The following TENM3 variants were observed in gnomAD, a reference collection of about 807,000 sequenced individuals.
TENM3 encodes teneurin transmembrane protein 3.
Under a neutral mutation model 255.1 loss-of-function variants are expected in TENM3, and 63 were observed. The ratio of observed to expected loss-of-function variants is 0.25; its 90% CI spans 0.20 to 0.30. The LOEUF (loss-of-function observed/expected upper bound fraction) is 0.30. TENM3 is among the 10% of genes least tolerant of loss of function. TENM3 has a pLI of 1.00. For synonymous variants in TENM3, 1,306 were observed against 1,322.3 expected (o/e 0.99, Z 0.27); for missense variants, 2,929 against 3,461.1 (o/e 0.85, Z 3.86).
chr4:182,268,728 G>T (rs113290755), intron 1 of TENM3, among the ~76,000 whole-genome samples: 148 of 152,230 alleles, frequency 9.7e-4, no homozygotes, highest in African/African-American at 3.6e-3. Context: ...GCTCCCACCA[G>T]CACCCTGACA....
intron 4 of TENM3, among the ~76,000 whole-genome samples, chr4:182,619,100 CCATAGAGGT>C (rs1749833062): frequency 6.6e-6 from 1 of 151,890 alleles, no homozygotes; most frequent in Admixed American, 6.6e-5. Context: ...GCAACGTGAC[CCATAGAGGT>C]ATACATCATG....
At chr4:181,554,521 G>C in the TENM3 span, among the ~76,000 whole-genome samples, 12 of 152,272 alleles carry the variant, frequency 7.9e-5, no homozygotes, top group Admixed American at 2.0e-4. Context: ...GTTCACCTCT[G>C]AACTTAAGAT....
intron 1 of TENM3, among the ~76,000 whole-genome samples, chr4:182,262,743 A>G (rs1758900659): frequency 1.6e-5 from 2 of 122,942 alleles, no homozygotes; most frequent in Non-Finnish European, 1.6e-5. Flanking sequence ...TTTTTTTGAG[A>G]CGGAATCTCG....
intron 4 of TENM3, among the ~76,000 whole-genome samples, chr4:182,608,626 G>C (rs1748661132): frequency 6.6e-6 from 1 of 152,138 alleles, no homozygotes; most frequent in Non-Finnish European, 1.5e-5. Flanking sequence ...CAGCCGCCCG[G>C]TCTGCAGGGT....
At chr4:182,714,021 C>G (rs970288856) in intron 12 of TENM3, 66 bp from the exon 13 acceptor site, 35 of 1,381,742 alleles carry the variant, frequency 2.5e-5, no homozygotes, top group Admixed American at 1.0e-4. Context: ...TGTCCCTTAT[C>G]TGTTTATTTT....
intron 23 of TENM3, 135 bp from the exon 24 acceptor site, chr4:182,774,781 TTC>T: frequency 1.6e-6 from 1 of 636,348 alleles, no homozygotes. Context: ...GTTGTTTTGT[TTC>T]TTTCTAAAAG....
At chr4:182,396,152 A>T (rs1329681922) in intron 3 of TENM3, among the ~76,000 whole-genome samples, 1 of 152,098 alleles carries the variant, frequency 6.6e-6, no homozygotes, top group Non-Finnish European at 1.5e-5. Flanking sequence ...GCATTGTGTG[A>T]TGCTGTTTTC....
chr4:181,453,328 G>T, the TENM3 span, among the ~76,000 whole-genome samples: 39,069 of 152,044 alleles, frequency 0.26, 5,240 homozygotes, highest in Middle Eastern at 0.34. Flanking sequence ...GGAAGCTTGG[G>T]GAGGGACAGC....
At chr4:182,657,222 A>G (rs570493272) in intron 6 of TENM3, among the ~76,000 whole-genome samples, 1 of 152,250 alleles carries the variant, frequency 6.6e-6, no homozygotes, top group Admixed American at 6.5e-5. Context: ...AATAGTACCT[A>G]TCTCCTGACT....
At chr4:182,120,110 C>T in the TENM3 span, among the ~76,000 whole-genome samples, 3 of 152,098 alleles carry the variant, frequency 2.0e-5, no homozygotes, top group Non-Finnish European at 4.4e-5. Flanking sequence ...CACACACACA[C>T]ACACACACAC....
At chr4:182,071,502 G>C in the TENM3 span, among the ~76,000 whole-genome samples, 1 of 147,338 alleles carries the variant, frequency 6.8e-6, no homozygotes, top group African/African-American at 2.5e-5. Flanking sequence ...CTGGAGTGCA[G>C]TGGCGCGATC....
At chr4:182,426,996 T>C (rs1296753586) in intron 3 of TENM3, among the ~76,000 whole-genome samples, 2 of 152,256 alleles carry the variant, frequency 1.3e-5, no homozygotes, top group Admixed American at 6.5e-5. Flanking sequence ...TCATGATTTC[T>C]AGCTTATTTT....
chr4:182,290,758 C>T (rs1761068499), intron 1 of TENM3, among the ~76,000 whole-genome samples: 1 of 151,858 alleles, frequency 6.6e-6, no homozygotes, highest in Non-Finnish European at 1.5e-5. Context: ...CTGCCTCGGC[C>T]TCCCAAAGTG....
the TENM3 span, among the ~76,000 whole-genome samples, chr4:181,631,944 A>G: frequency 4.6e-5 from 7 of 152,156 alleles, no homozygotes; most frequent in African/African-American, 1.7e-4. Flanking sequence ...GAGAAAAGCA[A>G]TTTCTAAAAT....
intron 3 of TENM3, among the ~76,000 whole-genome samples, chr4:182,490,724 C>G (rs200443139): frequency 1.2e-4 from 1 of 8,552 alleles, no homozygotes; most frequent in South Asian, 3.4e-3. Context: ...GAGATGGTAC[C>G]TTATGAAGGG....
chr4:181,853,891 T>C, the TENM3 span, among the ~76,000 whole-genome samples: 1 of 152,332 alleles, frequency 6.6e-6, no homozygotes, highest in African/African-American at 2.4e-5. Flanking sequence ...TAAAATGCTG[T>C]AAGCGTAAGA....
chr4:182,682,558 T>A (rs1481438628), intron 11 of TENM3, among the ~76,000 whole-genome samples: 1 of 152,234 alleles, frequency 6.6e-6, no homozygotes, highest in African/African-American at 2.4e-5. Flanking sequence ...GCACTTACTA[T>A]GTGCATGGCA....
At chr4:182,116,582 C>T in the TENM3 span, among the ~76,000 whole-genome samples, 1 of 152,100 alleles carries the variant, frequency 6.6e-6, no homozygotes, top group Admixed American at 6.5e-5. Context: ...AGGTGTCTTC[C>T]ATCATGATTG....
the TENM3 span, among the ~76,000 whole-genome samples, chr4:181,540,468 C>A: frequency 1.3e-5 from 2 of 152,128 alleles, no homozygotes; most frequent in Non-Finnish European, 2.9e-5. Flanking sequence ...CCAAAGAGTA[C>A]AGAGCGGACA....
Sources: allele counts gnomAD v4.1 joint callset (sites outside exome capture counted in the v4.1 genomes callset), GRCh38; gene constraint gnomAD v4.1.1; transcripts MANE v1.5; gene names NCBI Gene and HGNC (gene_info 2026-07-23, HGNC 2026-07-21).